CAMSAP1: variants seen among roughly 807,000 people sequenced by gnomAD.
CAMSAP1 encodes calmodulin regulated spectrin associated protein 1.
CAMSAP1 carries 58 observed loss-of-function variants against 143.5 expected under a neutral mutation model. The ratio of observed to expected loss-of-function variants is 0.40; its 90% CI spans 0.33 to 0.50. The LOEUF is 0.50. Ranked by LOEUF, CAMSAP1 falls within the 20% of genes least tolerant of loss-of-function variation. The pLI is 0.45. For missense variants in CAMSAP1, 1,969 were observed against 2,115.7 expected, an observed-to-expected ratio of 0.93 and a Z score of 1.36; for synonymous variants, 945 against 859.3, an observed-to-expected ratio of 1.10 and a Z score of -1.74.
At chr9:135,892,803 A>T (rs1838324258) in intron 1 of CAMSAP1, among the ~76,000 whole-genome samples, 1 of 140,834 alleles carries the variant, frequency 7.1e-6, no homozygotes, top group Non-Finnish European at 1.5e-5. Context: ...GTAATCCAAG[A>T]TCACAACATT....
At chr9:135,817,942 C>T (rs1835290715) in intron 14 of CAMSAP1, 35 bp downstream of exon 14, 1 of 1,593,316 alleles carries the variant, frequency 6.3e-7, no homozygotes, top group Admixed American at 1.7e-5. Context: ...GAACGTCCTC[C>T]AGCCCCGTGC....
chr9:135,851,356 A>G (rs750698763), intron 5 of CAMSAP1, among the ~76,000 whole-genome samples: 1 of 152,250 alleles, frequency 6.6e-6, no homozygotes, highest in Non-Finnish European at 1.5e-5. Context: ...AGAGTCGTTC[A>G]TGAACTGCCC....
chr9:135,873,200 GA>G (rs1837623881), intron 3 of CAMSAP1, among the ~76,000 whole-genome samples: 1 of 152,102 alleles, frequency 6.6e-6, no homozygotes, highest in South Asian at 2.1e-4. Flanking sequence ...TTAAGTATCT[GA>G]AAATTAAACA....
intron 5 of CAMSAP1, among the ~76,000 whole-genome samples, chr9:135,857,074 T>C (rs1179796256): frequency 6.6e-6 from 1 of 152,206 alleles, no homozygotes; most frequent in Non-Finnish European, 1.5e-5. Flanking sequence ...TCCACAGTTA[T>C]TTGGGATCTC....
At chr9:135,900,140 C>A (rs1433213670) in intron 1 of CAMSAP1, among the ~76,000 whole-genome samples, 1 of 152,074 alleles carries the variant, frequency 6.6e-6, no homozygotes, top group Non-Finnish European at 1.5e-5. Context: ...ATCTTCCCAC[C>A]TCAGCCTCCC....
intron 1 of CAMSAP1, among the ~76,000 whole-genome samples, chr9:135,883,425 G>A (rs1838022433): frequency 6.6e-6 from 1 of 152,160 alleles, no homozygotes; most frequent in African/African-American, 2.4e-5. Flanking sequence ...GTAGACATGG[G>A]AGCCCTGAGT....
chr9:135,827,731 T>C (rs1835728558), intron 7 of CAMSAP1, 147 bp from the exon 8 acceptor site: 1 of 657,586 alleles, frequency 1.5e-6, no homozygotes, highest in African/African-American at 1.8e-5. Flanking sequence ...TTAACAAATG[T>C]ATTCTGTAAT....
At position 135,906,047 on chromosome 9, in the gene CAMSAP1, A is replaced by G. The variant is rs142085041; in HGVS notation, c.160+953T>C. Among the ~76,000 whole-genome samples, 466 of 152,382 alleles carry G rather than the reference A, an allele frequency of 3.1e-3. 2 individuals carry two copies. Among genetic ancestry groups the G allele is most frequent in the South Asian group, 0.023 (109 of 4,828 alleles). On this transcript the variant is annotated intron_variant, in intron 1 of 16. Coordinates refer to ENST00000389532, the MANE Select transcript of CAMSAP1 (RefSeq NM_015447.4). Reference sequence around the variant, plus strand: ...TACACAGTACAAAAACCAGTTTGAAATAAGGCGAGTTATTTAATCCCTAAA... The same window carrying G: ...TACACAGTACAAAAACCAGTTTGAAGTAAGGCGAGTTATTTAATCCCTAAA...
At chr9:135,846,781 A>G (rs1403211359) in intron 7 of CAMSAP1, among the ~76,000 whole-genome samples, 1 of 152,208 alleles carries the variant, frequency 6.6e-6, no homozygotes, top group African/African-American at 2.4e-5. Flanking sequence ...CATAAGAAAA[A>G]AAGCTCATCA....
At chr9:135,865,541 T>A (rs1837344926) in intron 4 of CAMSAP1, among the ~76,000 whole-genome samples, 1 of 152,128 alleles carries the variant, frequency 6.6e-6, no homozygotes, top group Admixed American at 6.5e-5. Flanking sequence ...AGCAGATGAT[T>A]AAAGTGGAAG....
intron 7 of CAMSAP1, among the ~76,000 whole-genome samples, chr9:135,847,337 AGAGT>A (rs1244240778): frequency 6.6e-6 from 1 of 152,186 alleles, no homozygotes; most frequent in East Asian, 1.9e-4. Context: ...CCTGGGCAGC[AGAGT>A]GAGACTCTGT....
At chr9:135,906,602 A>G (rs1838784490) in intron 1 of CAMSAP1, among the ~76,000 whole-genome samples, 1 of 152,246 alleles carries the variant, frequency 6.6e-6, no homozygotes. Flanking sequence ...TCGGAATCAC[A>G]GGTCCAGCAC....
At position 135,850,442 on chromosome 9, in the gene CAMSAP1, T is replaced by C. The variant is rs374277662; in HGVS notation, c.828A>G (p.Val276=). ...TATACAGACTGTCGGCCATCGACGT[T>C]ACCTCCTTTAAGCATATATCTAATA... ...MKLDDICLKE[V]TSMADSLYNI... is the part of the protein sequence containing the mutation. The change falls in exon 6 of 17, where the codon GTA becomes GTG. Residue 276 remains valine, a synonymous_variant. Transcript: ENST00000389532. The C allele has an allele frequency of 4.4e-6, 7 of 1,595,646 alleles. No individual in the cohort carries two copies. The African/African-American group carries it at 9.5e-5, about 22-fold the overall frequency.
At chr9:135,814,159 G>C (rs927617311) in intron 16 of CAMSAP1, among the ~76,000 whole-genome samples, 1 of 152,184 alleles carries the variant, frequency 6.6e-6, no homozygotes, top group African/African-American at 2.4e-5. Flanking sequence ...GGCCTCTTCT[G>C]TCCCCAGTGC....
intron 1 of CAMSAP1, among the ~76,000 whole-genome samples, chr9:135,902,993 A>G (rs1180069120): frequency 5.3e-5 from 8 of 152,222 alleles, no homozygotes; most frequent in Non-Finnish European, 1.2e-4. Context: ...AATTGAGTGC[A>G]TGCTAGTACT....
At chr9:135,891,149 A>G (rs1838278030) in intron 1 of CAMSAP1, among the ~76,000 whole-genome samples, 1 of 152,100 alleles carries the variant, frequency 6.6e-6, no homozygotes, top group Non-Finnish European at 1.5e-5. Flanking sequence ...GACGAGGAAA[A>G]GGGGCCCCTA....
intron 1 of CAMSAP1, among the ~76,000 whole-genome samples, chr9:135,900,044 G>C (rs1838571798): frequency 1.3e-5 from 2 of 152,090 alleles, no homozygotes; most frequent in South Asian, 4.1e-4. Flanking sequence ...AACCTTTTTT[G>C]AGACAGGATC....
intron 1 of CAMSAP1, among the ~76,000 whole-genome samples, chr9:135,888,806 G>A (rs1425245152): frequency 6.6e-6 from 1 of 152,244 alleles, no homozygotes; most frequent in Admixed American, 6.5e-5. Context: ...AGACACAAGG[G>A]TAAGAAAAGC....
Position 135,820,820 on chromosome 9 carries a change from G to A in CAMSAP1, c.3822+19C>T. The stretch of plus-strand genomic sequence containing the variant: ...CAACACATCACGAGTGCCTGAAACA[G>A]ATGCTACCAATCCCTTACCTTGAAG... On this transcript the variant is annotated intron_variant, in intron 11 of 16. Transcript: ENST00000389532. This position sits in a 1 kb window ranked among gnomAD's most constrained non-coding sequence, Gnocchi z 4.4. 1.2e-6 allele frequency: 2 copies of A among 1,609,486 alleles called. No individual in the cohort carries two copies. The highest frequency in any genetic ancestry group is 2.2e-5 in the East Asian group (1 of 44,836).
Sources: allele counts gnomAD v4.1 joint callset (sites outside exome capture counted in the v4.1 genomes callset), GRCh38; gene constraint gnomAD v4.1.1; non-coding constraint Gnocchi (gnomAD v3.1); transcripts MANE v1.5; gene names NCBI Gene and HGNC (gene_info 2026-07-23, HGNC 2026-07-21).